IFTAP: variants seen among roughly 807,000 people sequenced by gnomAD.
IFTAP encodes the protein intraflagellar transport-associated protein.
Under a neutral mutation model 19.4 loss-of-function variants are expected in IFTAP, and 19 were observed. That is an observed-to-expected ratio of 0.98 (90% confidence interval 0.68 to 1.44). IFTAP has a LOEUF of 1.44. Among genes scored for constraint, IFTAP ranks in the 40% most tolerant of loss-of-function variants. IFTAP has a pLI of 0.00. For missense variants in IFTAP, 240 were observed against 253.6 expected (o/e 0.95, Z 0.36); for synonymous variants, 85 against 83.5 (o/e 1.02, Z -0.10).
intron 1 of IFTAP, among the ~76,000 whole-genome samples, chr11:36,600,562 A>G (rs763827712): frequency 3.7e-4 from 57 of 152,278 alleles, no homozygotes; most frequent in Non-Finnish European, 7.3e-4. Context: ...TCCATGGAAA[A>G]ATTGTCCTCC....
At chr11:36,643,877 C>A (rs1300930721) in intron 4 of IFTAP, among the ~76,000 whole-genome samples, 1 of 152,128 alleles carries the variant, frequency 6.6e-6, no homozygotes, top group East Asian at 1.9e-4. Flanking sequence ...AAATATTAGA[C>A]CTAAAACCAT....
At chr11:36,634,206 T>G (rs1436389677) in intron 3 of IFTAP, among the ~76,000 whole-genome samples, 1 of 152,152 alleles carries the variant, frequency 6.6e-6, no homozygotes, top group East Asian at 1.9e-4. Context: ...GATTATATTA[T>G]ATAGAGAGTC....
intron 5 of IFTAP, among the ~76,000 whole-genome samples, chr11:36,655,738 T>C (rs1378813779): frequency 1.3e-5 from 2 of 152,176 alleles, no homozygotes; most frequent in Non-Finnish European, 2.9e-5. Flanking sequence ...ATCTAACTGA[T>C]TGCCTAGAAA....
chr11:36,605,875 G>GTC (rs147798546), intron 1 of IFTAP, among the ~76,000 whole-genome samples: 19 of 151,878 alleles, frequency 1.3e-4, no homozygotes, highest in South Asian at 2.1e-4. Context: ...CTAGGCAAGT[G>GTC]TCTCTCTCTC....
intron 2 of IFTAP, 141 bp downstream of exon 2, chr11:36,610,380 C>T (rs1050375850): frequency 3.0e-5 from 22 of 726,672 alleles, no homozygotes; most frequent in Non-Finnish European, 4.4e-5. Context: ...CTAGGGCACT[C>T]GTGACTGATG....
At chr11:36,628,550 GACA>G (rs1235249072) in intron 2 of IFTAP, among the ~76,000 whole-genome samples, 8 of 151,224 alleles carry the variant, frequency 5.3e-5, no homozygotes, top group Admixed American at 4.6e-4. Flanking sequence ...ACTCTGTGAG[GACA>G]ACAAGGACTG....
chr11:36,620,895 T>C (rs1590211334), intron 2 of IFTAP, among the ~76,000 whole-genome samples: 1 of 151,962 alleles, frequency 6.6e-6, no homozygotes, highest in East Asian at 1.9e-4. Context: ...GATACACATC[T>C]TTTCAATTTA....
chr11:36,643,907 C>G (rs560141252), intron 4 of IFTAP, among the ~76,000 whole-genome samples: 1 of 152,254 alleles, frequency 6.6e-6, no homozygotes, highest in Non-Finnish European at 1.5e-5. Flanking sequence ...AGAAGAAAAC[C>G]TAGGCAATAC....
chr11:36,637,175 A>G (rs931414113), intron 4 of IFTAP, among the ~76,000 whole-genome samples: 2 of 152,180 alleles, frequency 1.3e-5, no homozygotes, highest in Non-Finnish European at 2.9e-5. Flanking sequence ...GACTATCTGT[A>G]CATTGGTTGT....
chr11:36,636,592 G>A (rs951347787), intron 4 of IFTAP, among the ~76,000 whole-genome samples: 5 of 152,192 alleles, frequency 3.3e-5, no homozygotes, highest in Non-Finnish European at 5.9e-5. Context: ...GTGAACTAAT[G>A]TCAAGGCCTT....
chr11:36,624,563 CA>C (rs1354538042), intron 2 of IFTAP, among the ~76,000 whole-genome samples: 1 of 152,182 alleles, frequency 6.6e-6, no homozygotes, highest in Non-Finnish European at 1.5e-5. Flanking sequence ...TTTCATGGAA[CA>C]AAGCCTACCC....
intron 5 of IFTAP, among the ~76,000 whole-genome samples, chr11:36,653,977 C>T (rs1286442220): frequency 2.6e-5 from 4 of 152,156 alleles, no homozygotes; most frequent in East Asian, 3.9e-4. Context: ...AACATGTAAA[C>T]GTGTTTAAGT....
chr11:36,603,922 C>CA (rs562737848), intron 1 of IFTAP, among the ~76,000 whole-genome samples: 1,974 of 113,624 alleles, frequency 0.017, 18 homozygotes, highest in South Asian at 0.039. Context: ...AACTCAGTCT[C>CA]AAAAAAAAAA....
intron 3 of IFTAP, among the ~76,000 whole-genome samples, chr11:36,635,776 TA>T (rs1212351236): frequency 6.6e-6 from 1 of 152,194 alleles, no homozygotes; most frequent in Non-Finnish European, 1.5e-5. Context: ...AAGTCCCTTT[TA>T]AAAAACTCTC....
At chr11:36,654,747 T>G (rs1290817717) in intron 5 of IFTAP, among the ~76,000 whole-genome samples, 1 of 151,932 alleles carries the variant, frequency 6.6e-6, no homozygotes, top group Non-Finnish European at 1.5e-5. Flanking sequence ...GCATTCTTCC[T>G]TTTTTTTACA....
intron 4 of IFTAP, among the ~76,000 whole-genome samples, chr11:36,646,088 A>G (rs569620038): frequency 6.6e-6 from 1 of 152,324 alleles, no homozygotes; most frequent in East Asian, 1.9e-4. Flanking sequence ...CAGTAGAATT[A>G]TTATGAAAGA....
chr11:36,603,159 A>G (rs1448312648), intron 1 of IFTAP, among the ~76,000 whole-genome samples: 4 of 152,212 alleles, frequency 2.6e-5, no homozygotes. Flanking sequence ...TGGGTATTAT[A>G]CAATCTGCTG....
chr11:36,655,688 C>T (rs1853951390), intron 5 of IFTAP, among the ~76,000 whole-genome samples: 2 of 152,050 alleles, frequency 1.3e-5, no homozygotes. Context: ...GCAAATGTGA[C>T]GTTATTACTA....
chr11:36,648,436 C>G (rs1853580007), intron 5 of IFTAP: 1 of 256,224 alleles, frequency 3.9e-6, no homozygotes, highest in African/African-American at 2.2e-5. Context: ...AAAGGACGGA[C>G]AGTTTTCTTG....
Sources: allele counts gnomAD v4.1 joint callset (sites outside exome capture counted in the v4.1 genomes callset), GRCh38; gene constraint gnomAD v4.1.1; transcripts MANE v1.5; gene names NCBI Gene and HGNC (gene_info 2026-07-23, HGNC 2026-07-21).